The following PAPSS1 variants were observed in gnomAD, a reference collection of about 807,000 sequenced individuals.
PAPSS1 encodes 3'-phosphoadenosine 5'-phosphosulfate synthase 1, also known as bifunctional 3'-phosphoadenosine 5'-phosphosulfate synthase 1.
A neutral mutation model predicts 72.0 loss-of-function variants in PAPSS1; 50 were observed. That is an observed-to-expected ratio of 0.69 (90% CI 0.55 to 0.88). PAPSS1 has a LOEUF of 0.88. Ranked by LOEUF, PAPSS1 falls within the 40% of genes least tolerant of loss-of-function variation. The pLI is 0.00. For synonymous variants in PAPSS1, 261 were observed against 263.6 expected (o/e 0.99, Z 0.09); for missense variants, 657 against 782.2 (o/e 0.84, Z 1.91).
chr4:107,687,326 G>A (rs1338064122), intron 3 of PAPSS1, 149 bp from the exon 4 acceptor site: 2 of 584,160 alleles, frequency 3.4e-6, no homozygotes, highest in African/African-American at 4.0e-5. Flanking sequence ...AAAAATCCAA[G>A]AAATTATTAG....
chr4:107,688,213 C>T (rs921871805), intron 3 of PAPSS1, among the ~76,000 whole-genome samples: 1 of 152,126 alleles, frequency 6.6e-6, no homozygotes, highest in Non-Finnish European at 1.5e-5. Flanking sequence ...GGGTTCCCTG[C>T]TCCCCAGCAA....
chr4:107,705,567 C>A (rs1276808482), intron 1 of PAPSS1, among the ~76,000 whole-genome samples: 2 of 152,162 alleles, frequency 1.3e-5, no homozygotes, highest in Non-Finnish European at 2.9e-5. Flanking sequence ...GTTCTTTATA[C>A]CAGTGTGAAA....
chr4:107,682,163 G>A, intron 4 of PAPSS1, 30 bp from the exon 5 acceptor site: 1 of 1,097,982 alleles, frequency 9.1e-7, no homozygotes, highest in Non-Finnish European at 1.4e-6. Context: ...ATAGAGTAGG[G>A]TGGAAAATAA....
intron 1 of PAPSS1, among the ~76,000 whole-genome samples, chr4:107,715,554 T>C (rs1723616730): frequency 6.6e-6 from 1 of 152,234 alleles, no homozygotes; most frequent in Admixed American, 6.5e-5. Flanking sequence ...GCTGGCCTTC[T>C]ACGAAAAACA....
Position 107,631,888 on chromosome 4 carries a change from C to T in PAPSS1, c.1507-28G>A, listed in dbSNP as rs775759687. ...AGAATAAAAGTTTCATTTTAGGTAA[C>T]TTTGCTTTTATGACTATGTACTTAG... On this transcript the variant is annotated intron_variant, in intron 10 of 11. Coordinates refer to ENST00000265174, the MANE Select transcript of PAPSS1 (RefSeq NM_005443.5). 2.6e-6 allele frequency: 4 copies of T among 1,513,122 alleles called. No homozygotes were observed. The South Asian group carries it at 4.7e-5, about 18-fold the overall frequency. 93.7% of individuals were successfully genotyped at this position (1,513,122 alleles called of 1,614,324 possible). A position where few individuals can be genotyped will look rare whatever the true frequency, so the allele number is the denominator to read the frequency against.
At chr4:107,652,772 TAA>T (rs1423543652) in intron 9 of PAPSS1, among the ~76,000 whole-genome samples, 1 of 152,198 alleles carries the variant, frequency 6.6e-6, no homozygotes, top group Non-Finnish European at 1.5e-5. Context: ...TCTTCCTTGT[TAA>T]GTTTCTTTTA....
At chr4:107,675,632 T>C (rs1032910655) in intron 5 of PAPSS1, among the ~76,000 whole-genome samples, 1 of 152,194 alleles carries the variant, frequency 6.6e-6, no homozygotes, top group African/African-American at 2.4e-5. Flanking sequence ...ACATTCCTTC[T>C]GAAACTGTTC....
chr4:107,714,727 T>C (rs1021252910), intron 1 of PAPSS1, among the ~76,000 whole-genome samples: 2 of 152,174 alleles, frequency 1.3e-5, no homozygotes, highest in Non-Finnish European at 2.9e-5. Context: ...ATAGCCAAAA[T>C]TGTCTCCAGA....
chr4:107,671,053 T>C (rs1022221072), intron 5 of PAPSS1, among the ~76,000 whole-genome samples: 2 of 152,190 alleles, frequency 1.3e-5, no homozygotes, highest in Admixed American at 6.5e-5. Flanking sequence ...CAATTTACCT[T>C]CAGTTTTTAA....
At chr4:107,657,406 A>T (rs1217285205) in intron 6 of PAPSS1, among the ~76,000 whole-genome samples, 1 of 152,130 alleles carries the variant, frequency 6.6e-6, no homozygotes, top group Non-Finnish European at 1.5e-5. Flanking sequence ...TACTTTGATA[A>T]CCACTCTCCT....
chr4:107,690,167 ATC>A (rs1722880300), intron 3 of PAPSS1, among the ~76,000 whole-genome samples: 1 of 152,062 alleles, frequency 6.6e-6, no homozygotes, highest in Admixed American at 6.6e-5. Flanking sequence ...AATGATACCA[ATC>A]TCTGTTATAA....
At chr4:107,625,421 G>T (rs554765043) in intron 11 of PAPSS1, among the ~76,000 whole-genome samples, 28 of 152,302 alleles carry the variant, frequency 1.8e-4, no homozygotes, top group African/African-American at 6.3e-4. Flanking sequence ...ACATGAGGGA[G>T]GTTCTACTGC....
At chr4:107,690,100 A>G (rs1184585661) in intron 3 of PAPSS1, among the ~76,000 whole-genome samples, 1 of 152,004 alleles carries the variant, frequency 6.6e-6, no homozygotes, top group Non-Finnish European at 1.5e-5. Flanking sequence ...CTAGTCTCCT[A>G]CCTCCAGACC....
intron 4 of PAPSS1, among the ~76,000 whole-genome samples, chr4:107,684,984 C>CAA (rs558954000): frequency 5.7e-4 from 87 of 152,238 alleles, no homozygotes; most frequent in African/African-American, 1.3e-3. Flanking sequence ...CGGCTCACTG[C>CAA]AAGCTCTGCC....
intron 1 of PAPSS1, among the ~76,000 whole-genome samples, chr4:107,713,256 T>C (rs1163458829): frequency 6.6e-6 from 1 of 152,160 alleles, no homozygotes; most frequent in Non-Finnish European, 1.5e-5. Flanking sequence ...TATAATTTCA[T>C]TTCTAGGAAA....
rs1727187118 is a variant in PAPSS1, at chr4:107,661,741, TC to T, written c.670-1670del. 5.9e-5 allele frequency among the ~76,000 whole-genome samples: 9 copies of T among 152,298 alleles called. No individual in the cohort carries two copies. In the South Asian group the frequency reaches 1.9e-3, roughly 32 times the overall value. On this transcript the variant is annotated intron_variant, in intron 5 of 11. Transcript: ENST00000265174. ...TTTTAAGGACACTCTCCACTATTTT[TC>T]CTGAGGAATAGATGACCTCTAGAAA...
At chr4:107,641,722 T>C (rs1264652658) in intron 10 of PAPSS1, among the ~76,000 whole-genome samples, 1 of 152,180 alleles carries the variant, frequency 6.6e-6, no homozygotes, top group Non-Finnish European at 1.5e-5. Context: ...CACCAAAGGA[T>C]ATCCCAAATC....
At chr4:107,673,902 T>A (rs932451386) in intron 5 of PAPSS1, among the ~76,000 whole-genome samples, 6 of 152,142 alleles carry the variant, frequency 3.9e-5, no homozygotes. Context: ...TCAACATTCT[T>A]AAAGAAAAGA....
At chr4:107,703,476 G>A (rs968595821) in intron 1 of PAPSS1, among the ~76,000 whole-genome samples, 21 of 149,294 alleles carry the variant, frequency 1.4e-4, no homozygotes, top group African/African-American at 5.1e-4. Context: ...CTTTCCTCTA[G>A]CAGTTTTAGA....
Sources: allele counts gnomAD v4.1 joint callset (sites outside exome capture counted in the v4.1 genomes callset), GRCh38; gene constraint gnomAD v4.1.1; transcripts MANE v1.5; gene names NCBI Gene and HGNC (gene_info 2026-07-23, HGNC 2026-07-21).